GEMIN4: variants seen among roughly 807,000 people sequenced by gnomAD.
The protein encoded by GEMIN4 is gem nuclear organelle associated protein 4.
GEMIN4 carries 59 observed loss-of-function variants against 76.8 expected under a neutral mutation model. That is an observed-to-expected ratio of 0.77 (90% confidence interval 0.62 to 0.95). The LOEUF (loss-of-function observed/expected upper bound fraction) is 0.95. GEMIN4 is among the 40% of genes least tolerant of loss of function. GEMIN4 has a pLI of 0.00. For synonymous variants in GEMIN4, 562 were observed against 559.7 expected (o/e 1.00, Z -0.06); for missense variants, 1,311 against 1,318.9 (o/e 0.99, Z 0.09).
At chr17:749,971 G>A (rs1904577002) in intron 1 of GEMIN4, 1 of 985,342 alleles carries the variant, frequency 1.0e-6, no homozygotes, top group African/African-American at 1.7e-5. Context: ...CTTCCTTCAG[G>A]GAACTAACGA....
Position 747,399 on chromosome 17 carries a change from A to G in GEMIN4, c.644T>C (p.Leu215Pro), listed in dbSNP as rs749750898. ...CAGCCCGCGGAGCAGCATGGCCAACAGGGGCATGGTGGGGCACGCGTCTGG... is the reference window on the plus strand; with the variant it reads ...CAGCCCGCGGAGCAGCATGGCCAACGGGGGCATGGTGGGGCACGCGTCTGG... The part of the protein sequence containing the change: ...SDPDACPTMP[L>P]LAMLLRGLTQ... Residue 215 changes from leucine to proline, a missense_variant, in exon 2 of 2, where the codon CTG becomes CCG. Leu to Pro is a moderately conservative substitution (Grantham distance 98). This residue lies in a region of GEMIN4 where 1,208 missense variants were observed against 1,166.9 expected (regional missense o/e 1.04). Coordinates refer to ENST00000319004, the MANE Select transcript of GEMIN4 (RefSeq NM_015721.3). 8.1e-6 allele frequency: 13 copies of G among 1,613,698 alleles called. No homozygotes were observed. The highest frequency in any genetic ancestry group is 4.5e-5 in the East Asian group (2 of 44,874).
At chr17:751,819 G>A (rs1181406263) in intron 1 of GEMIN4, 6 of 353,632 alleles carry the variant, frequency 1.7e-5, no homozygotes, top group Admixed American at 9.5e-5. Context: ...GGGCGCCCAG[G>A]GGTGCTCGGA....
chr17:745,970 G>C lies in GEMIN4; in HGVS notation c.2073C>G (p.Thr691=). Residue 691 remains threonine (T), a synonymous_variant, in exon 2 of 2, where the codon ACC becomes ACG. Coordinates refer to ENST00000319004, the MANE Select transcript of GEMIN4 (RefSeq NM_015721.3). The surrounding 1 kb of genome is among the most constrained non-coding windows in gnomAD (Gnocchi z 4.6). ...NACREEYWLQ[T]CSPFPLLFSL... is the part of the protein sequence containing the mutation. ...TGAAGAGGAGTGGAAACGGGGAGCAGGTCTGGAGCCAGTATTCCTCTCGGC... is the reference window on the plus strand; with the variant it reads ...TGAAGAGGAGTGGAAACGGGGAGCACGTCTGGAGCCAGTATTCCTCTCGGC... 6.2e-7 allele frequency: 1 copy of C among 1,613,302 alleles called. No homozygotes were observed. Among genetic ancestry groups the C allele is most frequent in the Non-Finnish European group, 8.5e-7 (1 of 1,179,870 alleles).
At chr17:751,939 G>A in intron 1 of GEMIN4, 194 bp downstream of exon 1, 1 of 389,886 alleles carries the variant, frequency 2.6e-6, no homozygotes, top group East Asian at 3.7e-5. Flanking sequence ...GGCAAGACGC[G>A]GCCCAACGCG....
intron 1 of GEMIN4, among the ~76,000 whole-genome samples, chr17:751,298 G>T (rs2144205310): frequency 6.6e-6 from 1 of 152,300 alleles, no homozygotes; most frequent in South Asian, 2.1e-4. Flanking sequence ...GTCCCAGCCT[G>T]AATGTGGTGG....
rs905481809 is a variant in GEMIN4, at chr17:746,763, G to C, written c.1280C>G (p.Ser427Cys). The C allele has an allele frequency of 6.2e-7, 1 of 1,613,750 alleles. No individual in the cohort carries two copies. The highest frequency in any genetic ancestry group is 1.1e-5 in the South Asian group (1 of 91,086). The change falls in exon 2 of 2, where the codon TCT (serine) becomes TGT (cysteine). Residue 427 changes from serine to cysteine, a missense_variant. Ser to Cys is a moderately radical substitution (Grantham distance 112, BLOSUM62 -1). Transcript: ENST00000319004. The surrounding 1 kb of genome is among the most constrained non-coding windows in gnomAD (Gnocchi z 4.3). ...GTCCGAGAAGGCCCACTTCTTCTCA[G>C]AGGCAAAAATGTAGCACACTTCCAT... is the stretch of plus-strand genomic sequence containing the variant. Reference protein sequence around the residue: ...RHMEVCYIFASEKKWAFSDEW... With the variant: ...RHMEVCYIFACEKKWAFSDEW...
At chr17:751,867 G>A in intron 1 of GEMIN4, 3 of 375,502 alleles carry the variant, frequency 8.0e-6, no homozygotes, top group East Asian at 3.8e-5. Context: ...CGAGCCCCGG[G>A]CGCTTCCAAG....
chr17:749,181 G>T (rs1904486655), intron 1 of GEMIN4: 1 of 124,892 alleles, frequency 8.0e-6, no homozygotes, highest in Non-Finnish European at 1.5e-5. Flanking sequence ...CAATCACACG[G>T]CCACAGGGTA....
At chr17:748,853 C>A in intron 1 of GEMIN4, 1 of 191,928 alleles carries the variant, frequency 5.2e-6, no homozygotes, top group South Asian at 6.9e-5. Flanking sequence ...CACACAGCCA[C>A]AGGGTAATGG....
chr17:746,128 C>A lies in GEMIN4; in HGVS notation c.1915G>T (p.Gly639Trp), dbSNP rs1481268300. The change falls in exon 2 of 2, where the codon GGG (glycine) becomes TGG (tryptophan). Residue 639 changes from glycine (G) to tryptophan (W), a missense_variant. Gly to Trp is a radical substitution (Grantham distance 184). This residue lies in a region of GEMIN4 where 1,208 missense variants were observed against 1,166.9 expected (regional missense o/e 1.04). Transcript: ENST00000319004. This position sits in a 1 kb window ranked among gnomAD's most constrained non-coding sequence, Gnocchi z 4.3. ...TCAAGAAGAGCAGCCACTGGAATCCCTTGGGGTTTCACGGGACTCATCAGG... is the reference window on the plus strand; with the variant it reads ...TCAAGAAGAGCAGCCACTGGAATCCATTGGGGTTTCACGGGACTCATCAGG... Reference protein sequence around the residue: ...NCLMSPVKPQGIPVAALLEPD... With the variant: ...NCLMSPVKPQWIPVAALLEPD... The A allele has an allele frequency of 6.2e-7, 1 of 1,613,962 alleles. No individual in the cohort carries two copies. The highest frequency in any genetic ancestry group is 1.7e-5 in the Admixed American group (1 of 60,032).
upstream of GEMIN4, chr17:752,284 C>T (rs1904775969): frequency 4.1e-6 from 5 of 1,224,918 alleles, no homozygotes; most frequent in South Asian, 4.2e-5. Flanking sequence ...CGCCCGGCCC[C>T]GCCCACAGCC....
chr17:746,697 C>G lies in GEMIN4; in HGVS notation c.1346G>C (p.Arg449Pro). The G allele has an allele frequency of 6.2e-7, 1 of 1,613,544 alleles. No individual in the cohort carries two copies. Among genetic ancestry groups the G allele is most frequent in the East Asian group, 2.2e-5 (1 of 44,874 alleles). The change falls in exon 2 of 2, where the codon CGA (arginine) becomes CCA (proline). Residue 449 changes from arginine to proline, a missense_variant. Around this residue, in one of 2 missense-constraint regions of GEMIN4, gnomAD observed 1,208 missense variants for 1,166.9 expected, o/e 1.04. Transcript: ENST00000319004. This position sits in a 1 kb window ranked among gnomAD's most constrained non-coding sequence, Gnocchi z 4.3. ...ACLGSNRALF[R>P]QPDLVLRLLE... Reference sequence around the variant, plus strand: ...CAGCCTCAACACCAAGTCTGGCTGTCGGAAGAGGGCCCTGTTACTCCCCAG... The same window carrying G: ...CAGCCTCAACACCAAGTCTGGCTGTGGGAAGAGGGCCCTGTTACTCCCCAG...
In GEMIN4 at chr17:746,680, A is replaced by G. The variant is rs777855269; in HGVS notation, c.1363T>C (p.Leu455=). 2 of 1,613,578 alleles carry G rather than the reference A, an allele frequency of 1.2e-6. No homozygotes were observed. The highest frequency in any genetic ancestry group is 1.7e-6 in the Non-Finnish European group (2 of 1,179,864). Residue 455 remains leucine, a synonymous_variant, in exon 2 of 2, where the codon TTG becomes CTG. Transcript: ENST00000319004. The surrounding 1 kb of genome is among the most constrained non-coding windows in gnomAD (Gnocchi z 4.3). ...TCTATCACTGTTTCCAGCAGCCTCA[A>G]CACCAAGTCTGGCTGTCGGAAGAGG... The part of the protein sequence containing the change: ...RALFRQPDLV[L]RLLETVIDVS...
intron 1 of GEMIN4, among the ~76,000 whole-genome samples, chr17:750,544 G>GT (rs1904618957): frequency 6.6e-6 from 1 of 152,146 alleles, no homozygotes; most frequent in Admixed American, 6.5e-5. Flanking sequence ...TCTTTATCAG[G>GT]TATGTTTCCT....
chr17:748,404 T>C (rs1904399995), intron 1 of GEMIN4: 1 of 220,214 alleles, frequency 4.5e-6, no homozygotes. Context: ...GGAAATGTGA[T>C]TCTGAGAGGT....
chr17:752,299 C>G, upstream of GEMIN4: 9 of 1,224,062 alleles, frequency 7.4e-6, no homozygotes, highest in Non-Finnish European at 9.2e-6. Context: ...ACAGCCTCCG[C>G]CGCGCACGCG....
Position 745,653 on chromosome 17 carries a change from G to T in GEMIN4, c.2390C>A (p.Ser797Ter). 6.3e-7 allele frequency: 1 copy of T among 1,597,792 alleles called. No homozygotes were observed. Among genetic ancestry groups the T allele is most frequent in the Non-Finnish European group, 8.5e-7 (1 of 1,172,706 alleles). Residue 797 changes from serine (S) to a stop codon, truncating the protein, a stop_gained, in exon 2 of 2, where the codon TCA becomes TAA. Transcript: ENST00000319004. LOFTEE classifies it high-confidence loss of function. The surrounding 1 kb of genome is among the most constrained non-coding windows in gnomAD (Gnocchi z 4.6). ...PATLFEICKL[S>*]EDEWTSQAHP... is the part of the protein sequence containing the mutation. ...GGCCTGGGAGGTCCACTCGTCTTCT[G>T]AAAGCTTACAGATCTCAAAAAGTGT... is the stretch of plus-strand genomic sequence containing the variant.
rs1363013228 is a variant in GEMIN4 at position 747,999 on chromosome 17, A to G, written c.44T>C (p.Leu15Pro). Residue 15 changes from leucine to proline, a missense_variant, in exon 2 of 2, where the codon CTG becomes CCG. This residue lies in a region of GEMIN4 where 103 missense variants were observed against 152.0 expected (regional missense o/e 0.68). Coordinates refer to ENST00000319004, the MANE Select transcript of GEMIN4 (RefSeq NM_015721.3). Reference sequence around the variant, plus strand: ...CTCGGCCAGCAAGAAGCCTCCATGCAGAATAGTCATTTCTTCACAGATGTT... The same window carrying G: ...CTCGGCCAGCAAGAAGCCTCCATGCGGAATAGTCATTTCTTCACAGATGTT... ...PLNICEEMTILHGGFLLAEQL... is the reference protein window; with the variant it reads ...PLNICEEMTIPHGGFLLAEQL... 6.2e-7 allele frequency: 1 copy of G among 1,610,862 alleles called. No homozygotes were observed. The highest frequency in any genetic ancestry group is 1.1e-5 in the South Asian group (1 of 90,644).
Position 746,518 on chromosome 17 carries a change from T to C in GEMIN4, c.1525A>G (p.Lys509Glu). ...LAGILRSWGR[K>E]GLSEKLLAYV... ...GCCAGCAACTTTTCAGAGAGGCCCTTTCGCCCCCAGGAACGCAGGATACCT... is the reference window on the plus strand; with the variant it reads ...GCCAGCAACTTTTCAGAGAGGCCCTCTCGCCCCCAGGAACGCAGGATACCT... Residue 509 changes from lysine to glutamate, a missense_variant, in exon 2 of 2, where the codon AAG becomes GAG. Physicochemically the swap from Lys to Glu is moderately conservative, Grantham distance 56 (BLOSUM62 1). This residue lies in a region of GEMIN4 where 1,208 missense variants were observed against 1,166.9 expected (regional missense o/e 1.04). Coordinates refer to ENST00000319004, the MANE Select transcript of GEMIN4 (RefSeq NM_015721.3). The surrounding 1 kb of genome is among the most constrained non-coding windows in gnomAD (Gnocchi z 4.3). 1 of 1,613,920 alleles carries C rather than the reference T, an allele frequency of 6.2e-7. No individual in the cohort carries two copies. The highest frequency in any genetic ancestry group is 8.5e-7 in the Non-Finnish European group (1 of 1,179,890).
Sources: gnomAD v4.1 joint callset for allele counts (sites outside exome capture counted in the v4.1 genomes callset) on GRCh38, gnomAD v4.1.1 for gene constraint, gnomAD v4.1.1 regional missense constraint, Gnocchi (gnomAD v3.1) non-coding constraint, MANE v1.5 for transcripts, NCBI Gene and HGNC (gene_info 2026-07-23, HGNC 2026-07-21) for gene names.